The following ELP1 variants were observed in gnomAD, a reference collection of about 807,000 sequenced individuals.
ELP1 encodes elongator complex protein 1.
In ELP1, 131 loss-of-function variants were observed where a neutral mutation model predicts 183.2. The ratio of observed to expected loss-of-function variants is 0.72; its 90% confidence interval spans 0.62 to 0.83. ELP1 has a LOEUF of 0.83. Among genes scored for constraint, ELP1 ranks in the 40% least tolerant of loss-of-function variants. The pLI is 0.00. For synonymous variants in ELP1, 555 were observed against 569.0 expected, an observed-to-expected ratio of 0.98 and a Z score of 0.35; for missense variants, 1,550 against 1,594.9, an observed-to-expected ratio of 0.97 and a Z score of 0.48.
chr9:108,870,593 T>C (rs1462256264), intron 36 of ELP1, among the ~76,000 whole-genome samples: 1 of 151,780 alleles, frequency 6.6e-6, no homozygotes, highest in Non-Finnish European at 1.5e-5. Context: ...GTAGGGGAGG[T>C]TAAAGAGGAG....
intron 2 of ELP1, 72 bp from the exon 3 acceptor site, chr9:108,929,993 T>C: frequency 2.0e-6 from 3 of 1,498,330 alleles, no homozygotes; most frequent in Non-Finnish European, 2.8e-6. Context: ...TTTCCAGAAA[T>C]ACTTTTTAAT....
At chr9:108,893,834 G>A (rs1828435270) in intron 26 of ELP1, 109 bp downstream of exon 26, 2 of 1,154,962 alleles carry the variant, frequency 1.7e-6, no homozygotes, top group Admixed American at 1.8e-5. Flanking sequence ...GAGTTTTCAG[G>A]AGTGGGAAGT....
intron 6 of ELP1, among the ~76,000 whole-genome samples, chr9:108,921,506 C>G (rs954385460): frequency 2.0e-5 from 3 of 150,008 alleles, no homozygotes; most frequent in Non-Finnish European, 4.4e-5. Flanking sequence ...TTGCTTATAG[C>G]AAGAAAGAAT....
chr9:108,927,982 G>A (rs1829873075), intron 3 of ELP1, among the ~76,000 whole-genome samples: 1 of 152,084 alleles, frequency 6.6e-6, no homozygotes, highest in African/African-American at 2.4e-5. Context: ...GCACAACAAG[G>A]TAACTACAGT....
chr9:108,882,294 G>GA, intron 29 of ELP1, 107 bp from the exon 30 acceptor site: 3 of 860,750 alleles, frequency 3.5e-6, no homozygotes, highest in Non-Finnish European at 5.7e-6. Flanking sequence ...CCTGGCCAGG[G>GA]GAGAACTCCT....
chr9:108,899,751 T>C, intron 20 of ELP1, 71 bp downstream of exon 20: 2 of 1,234,346 alleles, frequency 1.6e-6, no homozygotes, highest in South Asian at 1.2e-5. Flanking sequence ...CTCGAAATTG[T>C]AATAAAATAC....
Position 108,879,524 on chromosome 9 carries a change from A to T in ELP1, c.3494T>A (p.Leu1165His). ...DEVPHGQESD[L>H]FSETSSVVSG... ...CACGACACTGCTAGTTTCAGAGAAG[A>T]GGTCTGACTCTTGCCCGTGGGGTAC... The change falls in exon 33 of 37, where the codon CTC becomes CAC. Residue 1165 changes from leucine (L) to histidine (H), a missense_variant. Coordinates refer to ENST00000374647, the MANE Select transcript of ELP1 (RefSeq NM_003640.5). 6.2e-7 allele frequency: 1 copy of T among 1,614,126 alleles called. No homozygotes were observed. Among genetic ancestry groups the T allele is most frequent in the Non-Finnish European group, 8.5e-7 (1 of 1,179,964 alleles).
chr9:108,882,466 TG>T (rs1827967121), intron 29 of ELP1, among the ~76,000 whole-genome samples: 1 of 152,192 alleles, frequency 6.6e-6, no homozygotes, highest in South Asian at 2.1e-4. Context: ...CTGTTAGACA[TG>T]CCCATCTCCC....
chr9:108,875,375 T>C (rs1382448649), intron 35 of ELP1, among the ~76,000 whole-genome samples: 1 of 152,214 alleles, frequency 6.6e-6, no homozygotes, highest in Non-Finnish European at 1.5e-5. Context: ...TACAAACATG[T>C]GCATACTATG....
chr9:108,912,265 T>C lies in ELP1; in HGVS notation c.1188A>G (p.Gly396=). Residue 396 remains glycine, a splice_region_variant and synonymous_variant, in exon 11 of 37, where the codon GGA becomes GGG. Coordinates refer to ENST00000374647, the MANE Select transcript of ELP1 (RefSeq NM_003640.5). ...TGGACACACTTCCCAGGAGCTTACT[T>C]CCATCAATGACAGCCACATTGGACA... The part of the protein sequence containing the change: ...SDLSNVAVID[G]NRVLVTVFRQ... The C allele has an allele frequency of 6.2e-7, 1 of 1,613,260 alleles. No individual in the cohort carries two copies. The highest frequency in any genetic ancestry group is 8.5e-7 in the Non-Finnish European group (1 of 1,179,208).
At chr9:108,884,000 T>A (rs114769295) in intron 29 of ELP1, among the ~76,000 whole-genome samples, 1,729 of 143,484 alleles carry the variant, frequency 0.012, 29 homozygotes, top group African/African-American at 0.042. Flanking sequence ...AAATTAGATT[T>A]AAAAAAAAAA....
chr9:108,899,855 A>C lies in ELP1; in HGVS notation c.2171T>G (p.Leu724Arg). ...CCACTTCCGAATCTGAGCTAAAACC[A>C]GGGCTCGATGATGAACAACTTCTAA... is the stretch of plus-strand genomic sequence containing the variant. ...GNLEVVHHRA[L>R]VLAQIRKWLD... The change falls in exon 20 of 37, where the codon CTG (leucine) becomes CGG (arginine). Residue 724 changes from leucine to arginine, a missense_variant. Leu to Arg is a moderately radical substitution (Grantham distance 102). Transcript: ENST00000374647. 1 of 1,614,162 alleles carries C rather than the reference A, an allele frequency of 6.2e-7. No individual in the cohort carries two copies. Among genetic ancestry groups the C allele is most frequent in the Non-Finnish European group, 8.5e-7 (1 of 1,179,990 alleles).
chr9:108,900,638 G>C (rs1311164325), intron 18 of ELP1, among the ~76,000 whole-genome samples: 1 of 152,058 alleles, frequency 6.6e-6, no homozygotes, highest in South Asian at 2.1e-4. Flanking sequence ...TTAAGAATTG[G>C]GGCAACTTCT....
Position 108,898,537 on chromosome 9 carries a change from A to G in ELP1, c.2328T>C (p.Ser776=), listed in dbSNP as rs754322219. 4.4e-6 allele frequency: 7 copies of G among 1,597,914 alleles called. No individual in the cohort carries two copies. The highest frequency in any genetic ancestry group is 5.1e-6 in the Non-Finnish European group (6 of 1,166,986). ...TAAAAAACAAGTTAATATGATTCAC[A>G]GAATCTATCTGTTTAATGAAGGTTT... ...NVETFIKQID[S]VNHINLFFTE... The change falls in exon 22 of 37, where the codon TCT becomes TCC. Residue 776 remains serine, a synonymous_variant. Transcript: ENST00000374647.
intron 36 of ELP1, among the ~76,000 whole-genome samples, chr9:108,873,139 CA>C (rs1466183261): frequency 2.6e-5 from 4 of 152,324 alleles, no homozygotes; most frequent in African/African-American, 9.6e-5. Flanking sequence ...ATTTTGTCAT[CA>C]ATTGCAACAA....
chr9:108,897,921 A>G (rs1828619501), intron 22 of ELP1, among the ~76,000 whole-genome samples: 1 of 152,218 alleles, frequency 6.6e-6, no homozygotes, highest in African/African-American at 2.4e-5. Flanking sequence ...ACCTGAAAAA[A>G]CACAACAAAA....
At chr9:108,900,138 G>A (rs1828713450) in intron 19 of ELP1, 122 bp downstream of exon 19, 2 of 833,712 alleles carry the variant, frequency 2.4e-6, no homozygotes, top group African/African-American at 3.4e-5. Context: ...AACTATCAAG[G>A]AAAGGTTTAC....
intron 25 of ELP1, among the ~76,000 whole-genome samples, chr9:108,896,256 C>CA (rs1056721301): frequency 5.3e-5 from 8 of 149,772 alleles, no homozygotes; most frequent in South Asian, 2.1e-4. Flanking sequence ...GACTCCGTCT[C>CA]AAAAAAAAAG....
intron 5 of ELP1, among the ~76,000 whole-genome samples, chr9:108,925,442 T>C (rs558137475): frequency 6.6e-6 from 1 of 152,284 alleles, no homozygotes; most frequent in East Asian, 1.9e-4. Flanking sequence ...ATTCACTTGC[T>C]TGGACTGTTC....
Sources: allele counts gnomAD v4.1 joint callset (sites outside exome capture counted in the v4.1 genomes callset), GRCh38; gene constraint gnomAD v4.1.1; transcripts MANE v1.5; gene names NCBI Gene and HGNC (gene_info 2026-07-23, HGNC 2026-07-21).